DLG2: variants seen among roughly 807,000 people sequenced by gnomAD.
DLG2 encodes disks large homolog 2.
DLG2 carries 45 observed loss-of-function variants against 132.5 expected under a neutral mutation model. The observed-to-expected ratio is 0.34, with a 90% CI of 0.27 to 0.44. The LOEUF is 0.44. Ranked by LOEUF, DLG2 falls within the 20% of genes least tolerant of loss-of-function variation. The pLI is 1.00. For synonymous variants in DLG2, 424 were observed against 419.6 expected (o/e 1.01, Z -0.13); for missense variants, 1,045 against 1,196.9 (o/e 0.87, Z 1.87).
At chr11:84,518,362 T>C (rs1000805676) in intron 7 of DLG2, among the ~76,000 whole-genome samples, 1 of 151,912 alleles carries the variant, frequency 6.6e-6, no homozygotes, top group Non-Finnish European at 1.5e-5. Flanking sequence ...AGAAAATACA[T>C]AGAAAATAAT....
chr11:84,539,905 A>G (rs1017469715), intron 6 of DLG2, among the ~76,000 whole-genome samples: 1 of 152,202 alleles, frequency 6.6e-6, no homozygotes, highest in Non-Finnish European at 1.5e-5. Context: ...CAACCATCTG[A>G]TCTTTGACAA....
chr11:85,602,385 CTCTT>C (rs1487785844), intron 2 of DLG2, among the ~76,000 whole-genome samples: 2 of 152,000 alleles, frequency 1.3e-5, no homozygotes, highest in African/African-American at 2.4e-5. Flanking sequence ...ACAGTCTTTT[CTCTT>C]TTTTTTCTTT....
chr11:84,735,089 C>A (rs1268080873), intron 6 of DLG2, among the ~76,000 whole-genome samples: 3 of 152,008 alleles, frequency 2.0e-5, no homozygotes, highest in Non-Finnish European at 4.4e-5. Context: ...GGATATTGGT[C>A]TAAAATTCTC....
chr11:85,320,367 T>C (rs191311716), intron 3 of DLG2, among the ~76,000 whole-genome samples: 103 of 152,004 alleles, frequency 6.8e-4, no homozygotes, highest in African/African-American at 2.4e-3. Context: ...ATCAGGTCCA[T>C]CTAATTCTTG....
At chr11:83,577,378 C>T (rs986827201) in intron 19 of DLG2, among the ~76,000 whole-genome samples, 3 of 144,974 alleles carry the variant, frequency 2.1e-5, no homozygotes, top group Non-Finnish European at 4.5e-5. Context: ...ATATATGTAT[C>T]TTATTAGTTC....
intron 4 of DLG2, among the ~76,000 whole-genome samples, chr11:85,222,448 G>A (rs1205501850): frequency 6.6e-6 from 1 of 152,190 alleles, no homozygotes; most frequent in Non-Finnish European, 1.5e-5. Flanking sequence ...AGTCTAAAAA[G>A]AGGGAATTTT....
chr11:84,183,601 G>C (rs12789747), intron 8 of DLG2, among the ~76,000 whole-genome samples: 9,856 of 152,104 alleles, frequency 0.065, 394 homozygotes, highest in African/African-American at 0.1. Flanking sequence ...TATACTTTAA[G>C]TTTTAGGGTA....
intron 22 of DLG2, 143 bp from the exon 23 acceptor site, chr11:83,472,920 C>T (rs1565365018): frequency 1.5e-6 from 1 of 681,662 alleles, no homozygotes; most frequent in South Asian, 1.8e-5. Context: ...AAAATAACTT[C>T]ATCCTCATAA....
intron 3 of DLG2, among the ~76,000 whole-genome samples, chr11:85,505,267 AG>A (rs1458392492): frequency 6.6e-6 from 1 of 152,168 alleles, no homozygotes; most frequent in African/African-American, 2.4e-5. Flanking sequence ...GTTGAATAGG[AG>A]TGGTGAGAGA....
intron 7 of DLG2, among the ~76,000 whole-genome samples, chr11:84,529,891 T>C (rs1462031261): frequency 6.6e-6 from 1 of 152,084 alleles, no homozygotes; most frequent in Non-Finnish European, 1.5e-5. Context: ...GACTTCAAAC[T>C]GTACTACAGG....
chr11:83,869,431 C>T (rs2063014565), intron 16 of DLG2, among the ~76,000 whole-genome samples: 1 of 152,110 alleles, frequency 6.6e-6, no homozygotes, highest in Admixed American at 6.5e-5. Flanking sequence ...CTCAGAACAC[C>T]AGAGTCTCCC....
intron 16 of DLG2, among the ~76,000 whole-genome samples, chr11:83,847,678 G>A (rs922771888): frequency 2.6e-5 from 4 of 152,226 alleles, no homozygotes; most frequent in South Asian, 2.1e-4. Context: ...AACCAGAATC[G>A]CCACGATCCC....
At chr11:85,010,859 A>G (rs1262517980) in intron 6 of DLG2, among the ~76,000 whole-genome samples, 2 of 152,182 alleles carry the variant, frequency 1.3e-5, no homozygotes, top group Non-Finnish European at 2.9e-5. Flanking sequence ...TTTATTGACA[A>G]GTGGCATATT....
chr11:83,818,483 A>C lies in DLG2; in HGVS notation c.1722+15131T>G, dbSNP rs76650252. On this transcript the variant is annotated intron_variant, in intron 17 of 27. Coordinates refer to ENST00000376104, the MANE Select transcript of DLG2 (RefSeq NM_001142699.3). Reference sequence around the variant, plus strand: ...AGTATAATTCGGGGTGGACCTGCTTATTACTTCTGTTAGACTATAAGCATC... The same window carrying C: ...AGTATAATTCGGGGTGGACCTGCTTCTTACTTCTGTTAGACTATAAGCATC... 1.1e-3 allele frequency among the ~76,000 whole-genome samples: 175 copies of C among 152,236 alleles called. 3 individuals are homozygous for C. The East Asian group carries it at 0.028, about 24-fold the overall frequency.
chr11:83,550,199 A>G (rs149103295), intron 19 of DLG2, among the ~76,000 whole-genome samples: 26 of 152,330 alleles, frequency 1.7e-4, no homozygotes, highest in African/African-American at 6.0e-4. Context: ...GACTGCAGAT[A>G]GAACTAATTG....
chr11:84,724,790 C>T (rs1351890174), intron 6 of DLG2, among the ~76,000 whole-genome samples: 1 of 152,088 alleles, frequency 6.6e-6, no homozygotes, highest in East Asian at 1.9e-4. Flanking sequence ...TTATTTCTTC[C>T]TCATGTTAGA....
intron 7 of DLG2, among the ~76,000 whole-genome samples, chr11:84,477,632 A>T (rs997145257): frequency 5.3e-5 from 8 of 152,212 alleles, no homozygotes; most frequent in African/African-American, 1.9e-4. Context: ...GTGCAAATGC[A>T]TACGCCTATT....
intron 17 of DLG2, among the ~76,000 whole-genome samples, chr11:83,787,060 A>G (rs78875486): frequency 1.3e-5 from 2 of 152,340 alleles, no homozygotes; most frequent in Admixed American, 6.5e-5. Context: ...TGCATTTAAT[A>G]TGCCTCTGTG....
intron 12 of DLG2, among the ~76,000 whole-genome samples, chr11:83,967,137 G>A (rs898471871): frequency 3.3e-5 from 5 of 151,988 alleles, no homozygotes; most frequent in Non-Finnish European, 7.4e-5. Flanking sequence ...TTTATCCACT[G>A]ACAGGCATGA....
Sources: gnomAD v4.1 joint callset for allele counts (sites outside exome capture counted in the v4.1 genomes callset) on GRCh38, gnomAD v4.1.1 for gene constraint, MANE v1.5 for transcripts, NCBI Gene and HGNC (gene_info 2026-07-23, HGNC 2026-07-21) for gene names.